DNMBP: variants seen among roughly 807,000 people sequenced by gnomAD.
DNMBP encodes the protein dynamin-binding protein.
A neutral mutation model predicts 150.0 loss-of-function variants in DNMBP; 87 were observed. The ratio of observed to expected loss-of-function variants is 0.58; its 90% CI spans 0.49 to 0.69. DNMBP has a LOEUF of 0.69. Among genes scored for constraint, DNMBP ranks in the 30% least tolerant of loss-of-function variants. The pLI is 0.00. For missense variants in DNMBP, 1,774 were observed against 1,949.0 expected (o/e 0.91, Z 1.69); for synonymous variants, 711 against 750.4 (o/e 0.95, Z 0.86).
In DNMBP at chr10:99,909,118, T is replaced by C; in HGVS notation, c.2289A>G (p.Ser763=). 6.2e-7 allele frequency: 1 copy of C among 1,614,102 alleles called. No homozygotes were observed. Among genetic ancestry groups the C allele is most frequent in the East Asian group, 2.2e-5 (1 of 44,886 alleles). ...REMTLLSSQS[S]SLVAPSGSVS... ...CAGACCCAGAAGGGGCCACCAGTGA[T>C]GAAGACTGGGAGGAGAGGAGCGTCA... The change falls in exon 5 of 17, where the codon TCA becomes TCG. Residue 763 remains serine, a synonymous_variant. Transcript: ENST00000324109.
intron 3 of DNMBP, among the ~76,000 whole-genome samples, chr10:99,965,772 C>T (rs1164412764): frequency 2.0e-5 from 3 of 152,206 alleles, no homozygotes; most frequent in Non-Finnish European, 4.4e-5. Context: ...GCTGGGATTA[C>T]AGGCTTGAGC....
At chr10:99,981,428 C>T (rs890072136) in intron 1 of DNMBP, among the ~76,000 whole-genome samples, 90 of 152,236 alleles carry the variant, frequency 5.9e-4, no homozygotes, top group African/African-American at 1.8e-3. Context: ...GTGATCTGCC[C>T]GCCTTGGCCT....
At position 99,956,067 on chromosome 10, in the gene DNMBP, T is replaced by C; in HGVS notation, c.1407A>G (p.Lys469=). 1 of 1,614,108 alleles carries C rather than the reference T, an allele frequency of 6.2e-7. No individual in the cohort carries two copies. Among genetic ancestry groups the C allele is most frequent in the African/African-American group, 1.3e-5 (1 of 75,034 alleles). ...LPPKRMYSQL[K]TLQKPVLPLY... is the part of the protein sequence containing the mutation. Reference sequence around the variant, plus strand: ...GAGGGAGCACTGGCTTCTGAAGAGTTTTTAGCTGGGAATACATTCTTTTGG... The same window carrying C: ...GAGGGAGCACTGGCTTCTGAAGAGTCTTTAGCTGGGAATACATTCTTTTGG... The change falls in exon 4 of 17, where the codon AAA becomes AAG. Residue 469 remains lysine, a synonymous_variant. Transcript: ENST00000324109.
chr10:99,971,872 TTAA>T, intron 2 of DNMBP, 105 bp downstream of exon 2: 2 of 974,982 alleles, frequency 2.1e-6, no homozygotes, highest in Admixed American at 2.6e-5. Context: ...TTTTTTTTTT[TTAA>T]GACAGGGTCT....
chr10:99,908,386 C>T (rs770213485), intron 5 of DNMBP, among the ~76,000 whole-genome samples: 1 of 152,244 alleles, frequency 6.6e-6, no homozygotes, highest in African/African-American at 2.4e-5. Flanking sequence ...ACCAACATCC[C>T]GTAGCACTGC....
intron 4 of DNMBP, among the ~76,000 whole-genome samples, chr10:99,922,157 C>T (rs72840103): frequency 0.058 from 8,862 of 152,148 alleles, 287 homozygotes; most frequent in Middle Eastern, 0.19. Context: ...CGGGCACTTC[C>T]TGGTTTCTCA....
At chr10:99,917,687 T>C (rs866471783) in intron 4 of DNMBP, among the ~76,000 whole-genome samples, 9 of 152,082 alleles carry the variant, frequency 5.9e-5, no homozygotes, top group Admixed American at 3.3e-4. Context: ...AAATAGGGGC[T>C]GGGCGCGGTG....
intron 4 of DNMBP, among the ~76,000 whole-genome samples, chr10:99,948,192 G>A (rs2040379966): frequency 6.6e-6 from 1 of 152,100 alleles, no homozygotes; most frequent in Non-Finnish European, 1.5e-5. Context: ...CGACATTGTG[G>A]CTCACAACAA....
intron 1 of DNMBP, among the ~76,000 whole-genome samples, chr10:99,990,282 G>A (rs552052705): frequency 1.2e-4 from 18 of 152,250 alleles, no homozygotes; most frequent in Admixed American, 9.8e-4. Flanking sequence ...GCTAGGCGTG[G>A]TGGCTCATGC....
chr10:99,925,815 A>C (rs1332087888), intron 4 of DNMBP, among the ~76,000 whole-genome samples: 1 of 152,220 alleles, frequency 6.6e-6, no homozygotes, highest in African/African-American at 2.4e-5. Flanking sequence ...ACTACATAGA[A>C]TGTAGTATGA....
chr10:99,895,250 T>G (rs1053201027), intron 10 of DNMBP, among the ~76,000 whole-genome samples, 200 bp from the exon 11 acceptor site: 39 of 151,404 alleles, frequency 2.6e-4, no homozygotes, highest in Non-Finnish European at 7.4e-5. Flanking sequence ...CGTCAGCCTC[T>G]CGCATAGCTG....
chr10:99,918,864 G>A (rs551045046), intron 4 of DNMBP, among the ~76,000 whole-genome samples: 1 of 152,116 alleles, frequency 6.6e-6, no homozygotes, highest in African/African-American at 2.4e-5. Flanking sequence ...ATAAATCCTA[G>A]CATGGTATGC....
At chr10:99,897,403 A>G (rs1199057591) in intron 9 of DNMBP, among the ~76,000 whole-genome samples, 1 of 152,200 alleles carries the variant, frequency 6.6e-6, no homozygotes, top group East Asian at 1.9e-4. Flanking sequence ...TAGCTTTAGT[A>G]GAGGTAGTAA....
rs1412853525 is a variant in DNMBP, at chr10:99,908,643, C to G, written c.2454+310G>C. 5.3e-5 allele frequency among the ~76,000 whole-genome samples: 8 copies of G among 152,194 alleles called. No individual in the cohort carries two copies. The East Asian group carries it at 1.3e-3, about 26-fold the overall frequency. ...TCACCCCCAGGTTTTGTTACATCAT[C>G]ACTCAGCCTTCTAGCAGGGCCACGA... On this transcript the variant is annotated intron_variant, in intron 5 of 16. Coordinates refer to ENST00000324109, the MANE Select transcript of DNMBP (RefSeq NM_015221.4).
intron 1 of DNMBP, among the ~76,000 whole-genome samples, chr10:99,987,208 G>A (rs2040837704): frequency 6.7e-6 from 1 of 150,150 alleles, no homozygotes; most frequent in African/African-American, 2.5e-5. Context: ...AACATGACAT[G>A]TAAAGAAAAT....
intron 4 of DNMBP, among the ~76,000 whole-genome samples, chr10:99,918,709 G>A (rs922063443): frequency 1.3e-5 from 2 of 151,892 alleles, no homozygotes; most frequent in Admixed American, 6.6e-5. Context: ...TGGGATTACA[G>A]GCACCTGCCA....
At chr10:99,964,888 AT>A (rs1257549274) in intron 3 of DNMBP, among the ~76,000 whole-genome samples, 1,800 of 71,194 alleles carry the variant, frequency 0.025, 14 homozygotes, top group Non-Finnish European at 0.034. Context: ...AAAAAAAAAT[AT>A]ATATATATAT....
At chr10:99,972,664 G>A (rs954360994) in intron 1 of DNMBP, among the ~76,000 whole-genome samples, 8 of 152,240 alleles carry the variant, frequency 5.3e-5, no homozygotes, top group Admixed American at 2.6e-4. Context: ...AGGCTGGAGT[G>A]CAGTGGTGTG....
chr10:99,878,566 G>T (rs539142539), intron 16 of DNMBP, among the ~76,000 whole-genome samples: 2 of 152,208 alleles, frequency 1.3e-5, no homozygotes, highest in Non-Finnish European at 2.9e-5. Context: ...CTATGGCACT[G>T]AGGAATGTGC....
Sources: allele counts gnomAD v4.1 joint callset (sites outside exome capture counted in the v4.1 genomes callset), GRCh38; gene constraint gnomAD v4.1.1; transcripts MANE v1.5; gene names NCBI Gene and HGNC (gene_info 2026-07-23, HGNC 2026-07-21).